Variants in AFAP1L2 observed in about 807,000 individuals in gnomAD.
The protein encoded by AFAP1L2 is actin filament-associated protein 1-like 2.
In AFAP1L2, 46 loss-of-function variants were observed where a neutral mutation model predicts 99.3. That is an observed-to-expected ratio of 0.46 (90% CI 0.37 to 0.59). The LOEUF (loss-of-function observed/expected upper bound fraction) is 0.59. Among genes scored for constraint, AFAP1L2 ranks in the 20% least tolerant of loss-of-function variants. AFAP1L2 has a pLI of 0.00. For synonymous variants in AFAP1L2, 397 were observed against 419.1 expected (o/e 0.95, Z 0.64); for missense variants, 959 against 1,034.9 (o/e 0.93, Z 1.01).
At chr10:114,309,518 T>C (rs1415531799) in intron 8 of AFAP1L2, among the ~76,000 whole-genome samples, 2 of 152,226 alleles carry the variant, frequency 1.3e-5, no homozygotes, top group Admixed American at 1.3e-4. Context: ...TCAGGACACC[T>C]ACCTGCAGGT....
At chr10:114,346,151 T>A (rs941580178) in intron 1 of AFAP1L2, among the ~76,000 whole-genome samples, 25 of 152,128 alleles carry the variant, frequency 1.6e-4, no homozygotes, top group Admixed American at 1.4e-3. Context: ...GGCCTGGGGA[T>A]GAGAGAGAGT....
intron 1 of AFAP1L2, among the ~76,000 whole-genome samples, chr10:114,404,194 C>A (rs1250990560): frequency 6.6e-6 from 1 of 152,180 alleles, no homozygotes; most frequent in Non-Finnish European, 1.5e-5. Context: ...GCCACGCCCC[C>A]CACTGACGAC....
At chr10:114,316,599 C>A (rs758817241) in intron 5 of AFAP1L2, among the ~76,000 whole-genome samples, 1 of 152,184 alleles carries the variant, frequency 6.6e-6, no homozygotes. Flanking sequence ...CACGATTCTA[C>A]GCATACCCCA....
At chr10:114,299,764 G>C (rs1164188605) in intron 15 of AFAP1L2, among the ~76,000 whole-genome samples, 1 of 152,234 alleles carries the variant, frequency 6.6e-6, no homozygotes, top group Non-Finnish European at 1.5e-5. Context: ...TCAGCTGCCA[G>C]CATGGCTAGA....
chr10:114,343,099 G>C (rs944490423), intron 1 of AFAP1L2, among the ~76,000 whole-genome samples: 1 of 152,216 alleles, frequency 6.6e-6, no homozygotes, highest in African/African-American at 2.4e-5. Flanking sequence ...TAAAAATCCA[G>C]GTATCTGGCA....
At chr10:114,334,947 T>A (rs2135708030) in intron 2 of AFAP1L2, among the ~76,000 whole-genome samples, 1 of 152,348 alleles carries the variant, frequency 6.6e-6, no homozygotes, top group African/African-American at 2.4e-5. Context: ...TCTTCAGTTC[T>A]CAAGAGTACA....
At chr10:114,327,147 T>TATATATATATATATATATATA (rs2046408453) in intron 4 of AFAP1L2, among the ~76,000 whole-genome samples, 5 of 54,568 alleles carry the variant, frequency 9.2e-5, no homozygotes, top group Non-Finnish European at 1.5e-4. Context: ...TTATATATAT[T>TATATATATATATATATATATA]TATATATATA....
Position 114,299,251 on chromosome 10 carries a change from C to G in AFAP1L2, c.2113+9G>C, listed in dbSNP as rs2133957281. 6.2e-7 allele frequency: 1 copy of G among 1,613,852 alleles called. No homozygotes were observed. The highest frequency in any genetic ancestry group is 1.7e-5 in the Admixed American group (1 of 59,962). On this transcript the variant is annotated intron_variant, in intron 16 of 18. Coordinates refer to ENST00000304129, the MANE Select transcript of AFAP1L2 (RefSeq NM_001001936.3). ...GCTGAGGGTCCCTCCCCACTGGGGGCCCCCTTACCTGTGCATTTCAGTAGG... is the reference window on the plus strand; with the variant it reads ...GCTGAGGGTCCCTCCCCACTGGGGGGCCCCTTACCTGTGCATTTCAGTAGG...
chr10:114,391,587 T>C (rs2137980901), intron 1 of AFAP1L2, among the ~76,000 whole-genome samples: 2 of 152,332 alleles, frequency 1.3e-5, no homozygotes, highest in African/African-American at 4.8e-5. Flanking sequence ...CCAAAAATAC[T>C]GTCCTTGGCC....
chr10:114,327,173 A>ATATATATT (rs1491191152), intron 4 of AFAP1L2, among the ~76,000 whole-genome samples: 1 of 18,700 alleles, frequency 5.3e-5, no homozygotes, highest in African/African-American at 1.1e-4. Flanking sequence ...ATATATATAT[A>ATATATATT]TTTTTTTTTT....
At chr10:114,291,575 T>A (rs2039602133), downstream of AFAP1L2, 2 of 278,532 alleles carry the variant, frequency 7.2e-6, no homozygotes, top group Non-Finnish European at 1.4e-5. Flanking sequence ...AAACAAGGGG[T>A]CCTGAAGACT....
At chr10:114,308,784 A>T (rs928732243) in intron 8 of AFAP1L2, among the ~76,000 whole-genome samples, 1 of 152,234 alleles carries the variant, frequency 6.6e-6, no homozygotes, top group African/African-American at 2.4e-5. Flanking sequence ...TAGAGTCTGC[A>T]TCCCCTATGA....
chr10:114,399,755 A>G (rs2058066795), intron 1 of AFAP1L2, among the ~76,000 whole-genome samples: 1 of 152,172 alleles, frequency 6.6e-6, no homozygotes, highest in Non-Finnish European at 1.5e-5. Context: ...AGCTCTCAAC[A>G]GGAAATTGGT....
rs569411383 is a variant in AFAP1L2, at chr10:114,370,635, A to T, written c.17-29904T>A. Among the ~76,000 whole-genome samples the T allele has an allele frequency of 3.9e-5, 6 of 152,296 alleles. No homozygotes were observed. The South Asian group carries it at 1.2e-3, about 32-fold the overall frequency. On this transcript the variant is annotated intron_variant, in intron 1 of 18. Coordinates refer to ENST00000304129, the MANE Select transcript of AFAP1L2 (RefSeq NM_001001936.3). ...TGGGCAGAATACCTAAATGCCAGAG[A>T]GCTGGGGCCCAGAGGATAAACTGTA...
At chr10:114,315,100 C>T (rs1331801672) in intron 6 of AFAP1L2, among the ~76,000 whole-genome samples, 1 of 152,160 alleles carries the variant, frequency 6.6e-6, no homozygotes, top group Non-Finnish European at 1.5e-5. Flanking sequence ...AAGATTGCGC[C>T]ACTGCACTGC....
At chr10:114,394,625 A>G (rs686474) in intron 1 of AFAP1L2, among the ~76,000 whole-genome samples, 150,733 of 152,218 alleles carry the variant, frequency 0.99, 74,642 homozygotes, top group East Asian at 1. Context: ...GAGGGGAAGA[A>G]GAGAGGGAGG....
At chr10:114,296,824 G>A (rs2040304458) in intron 18 of AFAP1L2, 154 bp downstream of exon 18, 1 of 1,297,860 alleles carries the variant, frequency 7.7e-7, no homozygotes, top group Admixed American at 2.0e-5. Flanking sequence ...CTGAGCTGAA[G>A]GCATGGCAAA....
In AFAP1L2 at chr10:114,353,045, C is replaced by T. The variant is rs377362571; in HGVS notation, c.17-12314G>A. On this transcript the variant is annotated intron_variant, in intron 1 of 18. Coordinates refer to ENST00000304129, the MANE Select transcript of AFAP1L2 (RefSeq NM_001001936.3). ...CCACACCCAACTCCATGGGCAGTCA[C>T]GTGACCTTGGACCTAACCAGTCAGA... is the stretch of plus-strand genomic sequence containing the variant. Among the ~76,000 whole-genome samples the T allele has an allele frequency of 2.5e-4, 38 of 152,330 alleles. No homozygotes were observed. The South Asian group carries it at 7.7e-3, about 31-fold the overall frequency.
At chr10:114,405,069 C>G (rs1193625784), upstream of AFAP1L2, among the ~76,000 whole-genome samples, 1 of 152,220 alleles carries the variant, frequency 6.6e-6, no homozygotes, top group African/African-American at 2.4e-5. Flanking sequence ...CTCCCACTCT[C>G]TTGGAACCTC....
Sources: gnomAD v4.1 joint callset for allele counts (sites outside exome capture counted in the v4.1 genomes callset) on GRCh38, gnomAD v4.1.1 for gene constraint, MANE v1.5 for transcripts, NCBI Gene and HGNC (gene_info 2026-07-23, HGNC 2026-07-21) for gene names.